The following PPP3CB variants were observed in gnomAD, a reference collection of about 807,000 sequenced individuals.
PPP3CB encodes the protein protein phosphatase 3 catalytic subunit beta.
A neutral mutation model predicts 66.4 loss-of-function variants in PPP3CB; 8 were observed. The ratio of observed to expected loss-of-function variants is 0.12; its 90% confidence interval spans 0.07 to 0.22. The LOEUF is 0.22. PPP3CB is among the 10% of genes least tolerant of loss of function. The probability of loss-of-function intolerance (pLI) is 1.00; values close to 1 mark genes in which losing one functional copy is unlikely to be tolerated. For missense variants in PPP3CB, 319 were observed against 642.5 expected (o/e 0.50, Z 5.44); for synonymous variants, 208 against 221.2 (o/e 0.94, Z 0.53).
At chr10:73,486,791 T>C (rs191736631) in intron 1 of PPP3CB, among the ~76,000 whole-genome samples, 57 of 152,314 alleles carry the variant, frequency 3.7e-4, no homozygotes, top group African/African-American at 1.3e-3. Context: ...ACTTCCAACA[T>C]CATCTCTCCA....
At chr10:73,483,721 T>C (rs2056922223) in intron 1 of PPP3CB, among the ~76,000 whole-genome samples, 1 of 152,090 alleles carries the variant, frequency 6.6e-6, no homozygotes, top group African/African-American at 2.4e-5. Context: ...AAGGCACGTA[T>C]AGTGTTGTTT....
In PPP3CB at chr10:73,490,399, TAC is replaced by T. The variant is rs1375450152; in HGVS notation, c.85+5404_85+5405del. 8.5e-5 allele frequency among the ~76,000 whole-genome samples: 13 copies of T among 152,378 alleles called. No homozygotes were observed. The East Asian group carries it at 2.5e-3, about 29-fold the overall frequency. On this transcript the variant is annotated intron_variant, in intron 1 of 13. Transcript: ENST00000360663. Reference sequence around the variant, plus strand: ...ATATTTTGTACTTTTGTTGTTCTCCTACAGTTTTGTGATACAGCAGACATTTA... The same window carrying T: ...ATATTTTGTACTTTTGTTGTTCTCCTAGTTTTGTGATACAGCAGACATTTA...
chr10:73,495,452 A>C, intron 1 of PPP3CB: 1 of 167,070 alleles, frequency 6.0e-6, no homozygotes, highest in Non-Finnish European at 1.3e-5. Context: ...CGCCCCGGCA[A>C]GCCAGAAGTG....
intron 10 of PPP3CB, among the ~76,000 whole-genome samples, chr10:73,449,102 G>A (rs1160904284): frequency 6.6e-6 from 1 of 152,166 alleles, no homozygotes; most frequent in East Asian, 1.9e-4. Context: ...TTAAGTAAAA[G>A]GTAATGACAC....
intron 10 of PPP3CB, among the ~76,000 whole-genome samples, chr10:73,452,308 T>C (rs1172497908): frequency 6.6e-6 from 1 of 152,190 alleles, no homozygotes; most frequent in Non-Finnish European, 1.5e-5. Context: ...GTAAGTCGTC[T>C]GATGCCACAG....
chr10:73,447,406 GAAC>G, intron 10 of PPP3CB, among the ~76,000 whole-genome samples: 1 of 152,264 alleles, frequency 6.6e-6, no homozygotes, highest in South Asian at 2.1e-4. Flanking sequence ...CCTCCAGAAA[GAAC>G]AACATCAATC....
intron 9 of PPP3CB, among the ~76,000 whole-genome samples, chr10:73,459,043 A>G (rs556135480): frequency 2.2e-4 from 34 of 151,900 alleles, no homozygotes; most frequent in African/African-American, 8.2e-4. Flanking sequence ...GCACCCTAGC[A>G]TGGGCAACAA....
intron 12 of PPP3CB, among the ~76,000 whole-genome samples, chr10:73,442,460 T>C (rs1229247090): frequency 6.6e-6 from 1 of 152,250 alleles, no homozygotes; most frequent in Non-Finnish European, 1.5e-5. Flanking sequence ...AACTGAGAGA[T>C]GACTATACTG....
intron 3 of PPP3CB, among the ~76,000 whole-genome samples, chr10:73,475,245 C>G (rs1404137800): frequency 6.6e-6 from 1 of 152,124 alleles, no homozygotes; most frequent in Non-Finnish European, 1.5e-5. Context: ...AGGAGAAGAG[C>G]AATAAATATT....
intron 12 of PPP3CB, chr10:73,444,313 C>T (rs944517720): frequency 2.3e-5 from 9 of 396,058 alleles, no homozygotes; most frequent in African/African-American, 1.2e-4. Flanking sequence ...AATACAATGA[C>T]ATAAATTTAA....
intron 9 of PPP3CB, 70 bp downstream of exon 9, chr10:73,467,483 G>T: frequency 8.0e-7 from 1 of 1,251,020 alleles, no homozygotes; most frequent in Non-Finnish European, 1.1e-6. Context: ...GCAAGTATGT[G>T]CCTATGATAG....
Position 73,495,983 on chromosome 10 carries a change from A to C in PPP3CB, c.-94T>G, listed in dbSNP as rs1194329487. 4 of 609,800 alleles carry C rather than the reference A, an allele frequency of 6.6e-6. No homozygotes were observed. The highest frequency in any genetic ancestry group is 6.4e-6 in the Non-Finnish European group (3 of 470,612). 37.8% of individuals were successfully genotyped at this position (609,800 alleles called of 1,614,324 possible). ...CCAAGCGGCGGCGCCGCCGGGGAAC[A>C]TGGCGGACCCTCTTTCCCTACAGAG... On this transcript the variant is annotated 5_prime_UTR_variant, in exon 1 of 14. An upstream start codon of the reference 5' UTR is lost. Transcript: ENST00000360663.
Position 73,495,822 on chromosome 10 carries a change from G to A in PPP3CB, c.68C>T (p.Ala23Val). The change falls in exon 1 of 14, where the codon GCT becomes GTT. Residue 23 changes from alanine (A) to valine (V), a missense_variant. Ala to Val is a moderately conservative substitution (Grantham distance 64, BLOSUM62 0). This residue lies in a region of PPP3CB where 104 missense variants were observed against 128.4 expected (regional missense o/e 0.81). Coordinates refer to ENST00000360663, the MANE Select transcript of PPP3CB (RefSeq NM_021132.4). ...CCTCTCACCTTTGACGACGCGGTCA[G>A]CCCCGGGAGGGGGCGGCGGGGGCGG... is the stretch of plus-strand genomic sequence containing the variant. The part of the protein sequence containing the change: ...PPPPPPPPPG[A>V]DRVVKAVPFP... 17 of 1,516,564 alleles carry A rather than the reference G, an allele frequency of 1.1e-5. No individual in the cohort carries two copies. Among genetic ancestry groups the A allele is most frequent in the Non-Finnish European group, 1.5e-5 (17 of 1,128,862 alleles). 93.9% of individuals were successfully genotyped at this position (1,516,564 alleles called of 1,614,324 possible).
intron 10 of PPP3CB, among the ~76,000 whole-genome samples, chr10:73,450,281 T>C (rs1040207742): frequency 1.3e-5 from 2 of 151,870 alleles, no homozygotes; most frequent in African/African-American, 2.4e-5. Context: ...CACCGTTGTG[T>C]AGGAAAAGAG....
rs1290520387 is a variant in PPP3CB at position 73,479,394 on chromosome 10, G to A, written c.209C>T (p.Ala70Val). 3.1e-6 allele frequency: 5 copies of A among 1,613,912 alleles called. No homozygotes were observed. The highest frequency in any genetic ancestry group is 1.3e-5 in the African/African-American group (1 of 74,902). Reference protein sequence around the residue: ...VKEGRVDEEIALRIINEGAAI... With the variant: ...VKEGRVDEEIVLRIINEGAAI... Reference sequence around the variant, plus strand: ...AGCACCCTCATTGATAATTCTAAGCGCAATTTCTTCATCTACTCGACCTTC... The same window carrying A: ...AGCACCCTCATTGATAATTCTAAGCACAATTTCTTCATCTACTCGACCTTC... Residue 70 changes from alanine to valine, a missense_variant, in exon 2 of 14, where the codon GCG becomes GTG. Physicochemically the swap from Ala to Val is moderately conservative, Grantham distance 64. Coordinates refer to ENST00000360663, the MANE Select transcript of PPP3CB (RefSeq NM_021132.4).
chr10:73,483,885 T>C (rs1349094841), intron 1 of PPP3CB, among the ~76,000 whole-genome samples: 1 of 152,070 alleles, frequency 6.6e-6, no homozygotes, highest in Admixed American at 6.6e-5. Flanking sequence ...GGTTCATGTC[T>C]GCAGTCCCAG....
intron 2 of PPP3CB, among the ~76,000 whole-genome samples, chr10:73,479,059 T>C (rs960482363): frequency 6.6e-6 from 1 of 152,228 alleles, no homozygotes; most frequent in Non-Finnish European, 1.5e-5. Flanking sequence ...ATTGATCAAA[T>C]TGAAGTATGG....
chr10:73,444,429 A>C (rs2056212766), intron 12 of PPP3CB: 3 of 767,002 alleles, frequency 3.9e-6, no homozygotes, highest in Non-Finnish European at 6.0e-6. Context: ...TGAATTAGAC[A>C]GATGAATAAA....
At chr10:73,445,025 T>C (rs575152339) in intron 11 of PPP3CB, among the ~76,000 whole-genome samples, 1 of 152,348 alleles carries the variant, frequency 6.6e-6, no homozygotes, top group East Asian at 1.9e-4. Flanking sequence ...GAGGCATATA[T>C]TGTTTTTCCT....
Sources: allele counts gnomAD v4.1 joint callset (sites outside exome capture counted in the v4.1 genomes callset), GRCh38; gene constraint gnomAD v4.1.1; regional missense constraint gnomAD v4.1.1; transcripts MANE v1.5; gene names NCBI Gene and HGNC (gene_info 2026-07-23, HGNC 2026-07-21).